Variants in HABP2 observed in about 807,000 individuals in gnomAD.
HABP2 encodes factor VII-activating protease.
In HABP2, 65 loss-of-function variants were observed where a neutral mutation model predicts 66.5. The observed-to-expected ratio is 0.98, with a 90% CI of 0.80 to 1.20. The LOEUF is 1.20. HABP2 is among the 50% of genes most tolerant of loss of function. The probability of loss-of-function intolerance (pLI) is 0.00; values close to 1 mark genes in which losing one functional copy is unlikely to be tolerated. For synonymous variants in HABP2, 263 were observed against 253.9 expected, an observed-to-expected ratio of 1.04 and a Z score of -0.34; for missense variants, 786 against 691.0, an observed-to-expected ratio of 1.14 and a Z score of -1.54.
At chr10:113,578,259 C>A in intron 6 of HABP2, 114 bp downstream of exon 6, 1 of 1,117,774 alleles carries the variant, frequency 8.9e-7, no homozygotes, top group Non-Finnish European at 1.3e-6. Context: ...CGACTATTGC[C>A]TCAGCCTTCT....
chr10:113,580,146 T>C lies in HABP2; in HGVS notation c.741-449T>C, dbSNP rs537242308. Among the ~76,000 whole-genome samples the C allele has an allele frequency of 9.4e-5, 13 of 138,348 alleles. 2 individuals carry two copies. In the South Asian group the frequency reaches 3.7e-3, roughly 39 times the overall value. 90.8% of individuals were successfully genotyped at this position (138,348 alleles called of 152,430 possible). A position where few individuals can be genotyped will look rare whatever the true frequency, so the allele number is the denominator to read the frequency against. On this transcript the variant is annotated intron_variant, in intron 7 of 12. Coordinates refer to ENST00000351270, the MANE Select transcript of HABP2 (RefSeq NM_004132.5). Reference sequence around the variant, plus strand: ...TTGCACTCACCTTGAGCTGTTCCCTTTGTGGAGCTGTCTTCGGGGGCGGGG... The same window carrying C: ...TTGCACTCACCTTGAGCTGTTCCCTCTGTGGAGCTGTCTTCGGGGGCGGGG...
intron 3 of HABP2, 78 bp from the exon 4 acceptor site, chr10:113,575,819 A>G: frequency 1.3e-6 from 1 of 791,498 alleles, no homozygotes; most frequent in Non-Finnish European, 2.2e-6. Flanking sequence ...GGAGACTGAA[A>G]TTTGATGAAA....
intron 2 of HABP2, among the ~76,000 whole-genome samples, chr10:113,571,261 C>G (rs1307193292): frequency 6.6e-6 from 1 of 152,186 alleles, no homozygotes; most frequent in African/African-American, 2.4e-5. Flanking sequence ...GGCAGATTGG[C>G]TGGCCTCTTA....
intron 2 of HABP2, among the ~76,000 whole-genome samples, chr10:113,567,755 A>C (rs1400289919): frequency 6.6e-6 from 1 of 152,200 alleles, no homozygotes; most frequent in East Asian, 1.9e-4. Flanking sequence ...ATCCCAAGGG[A>C]AATACTGCCT....
Position 113,589,065 on chromosome 10 carries a change from T to C in HABP2, c.*696T>C, listed in dbSNP as rs767386985. On this transcript the variant is annotated 3_prime_UTR_variant, in exon 13 of 13. Transcript: ENST00000351270. ...CACTCTGATGATCTCCAGCCTCCAC[T>C]GCTTCTGCCCCCCGCTGCTGAAATC... 3.1e-6 allele frequency: 5 copies of C among 1,613,794 alleles called. No individual in the cohort carries two copies. The highest frequency in any genetic ancestry group is 1.7e-5 in the Admixed American group (1 of 59,990).
intron 1 of HABP2, among the ~76,000 whole-genome samples, chr10:113,566,249 G>A (rs11575662): frequency 0.074 from 11,219 of 152,284 alleles, 453 homozygotes; most frequent in African/African-American, 0.11. Context: ...GATAGTAAAT[G>A]TTTGGGGTTA....
rs779467401 is a variant in HABP2 at position 113,585,931 on chromosome 10, C to A, written c.1511C>A (p.Thr504Asn). ...AGNLQKPGQD[T>N]CQGDSGGPLT... ...AATCTTCAGAAACCTGGGCAAGACACCTGCCAGGTCAGAGACTCCAAGTGG... is the reference window on the plus strand; with the variant it reads ...AATCTTCAGAAACCTGGGCAAGACAACTGCCAGGTCAGAGACTCCAAGTGG... The change falls in exon 12 of 13, where the codon ACC becomes AAC. Residue 504 changes from threonine to asparagine, a missense_variant. Coordinates refer to ENST00000351270, the MANE Select transcript of HABP2 (RefSeq NM_004132.5). 11 of 1,613,590 alleles carry A rather than the reference C, an allele frequency of 6.8e-6. No homozygotes were observed. The African/African-American group carries it at 1.3e-4, about 20-fold the overall frequency.
upstream of HABP2, among the ~76,000 whole-genome samples, chr10:113,552,278 TCAGTTGTTTA>T: frequency 6.6e-6 from 1 of 152,184 alleles, no homozygotes; most frequent in Non-Finnish European, 1.5e-5. Context: ...CTGTGGGCAG[TCAGTTGTTTA>T]CAGGAGATTA....
rs775871794 is a variant in HABP2 at position 113,578,086 on chromosome 10, G to A, written c.509G>A (p.Arg170Gln). 1.6e-5 allele frequency: 26 copies of A among 1,614,000 alleles called. No individual in the cohort carries two copies. Among genetic ancestry groups the A allele is most frequent in the Middle Eastern group, 1.6e-4 (1 of 6,082 alleles). The change falls in exon 6 of 13, where the codon CGG (arginine) becomes CAG (glutamine). Residue 170 changes from arginine to glutamine, a missense_variant. Coordinates refer to ENST00000351270, the MANE Select transcript of HABP2 (RefSeq NM_004132.5). The part of the protein sequence containing the change: ...QNGATCSRHK[R>Q]RSKFTCACPD... ...GGGGCTACCTGCTCCCGGCATAAGC[G>A]GAGATCCAAGTTCACCTGTGCCTGT...
chr10:113,574,944 T>C (rs545439716), intron 3 of HABP2, among the ~76,000 whole-genome samples: 1 of 152,286 alleles, frequency 6.6e-6, no homozygotes, highest in East Asian at 1.9e-4. Flanking sequence ...TGTGTATGTG[T>C]GCATATGTGT....
Position 113,572,493 on chromosome 10 carries a change from A to G in HABP2, c.107-1796A>G, listed in dbSNP as rs77087363. Among the ~76,000 whole-genome samples the G allele has an allele frequency of 2.6e-5, 4 of 152,368 alleles. No homozygotes were observed. In the East Asian group the frequency reaches 7.7e-4, roughly 29 times the overall value. On this transcript the variant is annotated intron_variant, in intron 2 of 12. Transcript: ENST00000351270. Reference sequence around the variant, plus strand: ...TTATCTATAAACATCTGTTGGAAAAACAAAAATAAATTCTTCAAAGAACAA... The same window carrying G: ...TTATCTATAAACATCTGTTGGAAAAGCAAAAATAAATTCTTCAAAGAACAA...
chr10:113,553,047 ATT>A (rs768924245), upstream of HABP2: 65 of 1,055,860 alleles, frequency 6.2e-5, no homozygotes, highest in African/African-American at 9.5e-4. Flanking sequence ...GGAGACTGAC[ATT>A]TTTCCCCCCT....
intron 2 of HABP2, among the ~76,000 whole-genome samples, chr10:113,572,501 A>T (rs890376691): frequency 1.3e-4 from 20 of 152,258 alleles, no homozygotes; most frequent in Non-Finnish European, 2.9e-5. Flanking sequence ...AAACAAAAAT[A>T]AATTCTTCAA....
At chr10:113,564,243 C>G (rs1266762580) in intron 1 of HABP2, among the ~76,000 whole-genome samples, 1 of 152,084 alleles carries the variant, frequency 6.6e-6, no homozygotes, top group Non-Finnish European at 1.5e-5. Context: ...AAAACACACC[C>G]CCATGATTCA....
intron 2 of HABP2, among the ~76,000 whole-genome samples, chr10:113,571,906 A>G (rs7096084): frequency 0.068 from 10,314 of 152,320 alleles, 451 homozygotes; most frequent in East Asian, 0.22. Flanking sequence ...GACAAGTTAC[A>G]TATGCAGACA....
chr10:113,566,506 G>A (rs1348040751), intron 1 of HABP2, among the ~76,000 whole-genome samples: 3 of 152,218 alleles, frequency 2.0e-5, no homozygotes, highest in Admixed American at 6.5e-5. Flanking sequence ...TTTGAGGAAT[G>A]CCATGTGCCA....
rs1480576275 is a variant in HABP2, at chr10:113,584,234, C to G, written c.1324C>G (p.Pro442Ala). Residue 442 changes from proline (P) to alanine (A), a missense_variant, in exon 11 of 13, where the codon CCC becomes GCC. Coordinates refer to ENST00000351270, the MANE Select transcript of HABP2 (RefSeq NM_004132.5). ...KTVCLPDGSF[P>A]SGSECHISGW... ...TGTGTGCTTGCCTGATGGGTCCTTT[C>G]CCTCTGGGAGTGAGTGCCACATCTC... 1 of 1,613,796 alleles carries G rather than the reference C, an allele frequency of 6.2e-7. No individual in the cohort carries two copies. The highest frequency in any genetic ancestry group is 1.1e-5 in the South Asian group (1 of 91,068).
chr10:113,567,574 C>T lies in HABP2; in HGVS notation c.106+49C>T, dbSNP rs377535408. On this transcript the variant is annotated intron_variant, in intron 2 of 12. Transcript: ENST00000351270. Reference sequence around the variant, plus strand: ...GCTTCCCACCAATCCCAGGCTGGTTCTGGGCTGGTGAAAAGGAGGCCTAAG... The same window carrying T: ...GCTTCCCACCAATCCCAGGCTGGTTTTGGGCTGGTGAAAAGGAGGCCTAAG... The T allele has an allele frequency of 1.1e-5, 16 of 1,429,142 alleles. No homozygotes were observed. In the African/African-American group the frequency reaches 2.2e-4, roughly 20 times the overall value. 88.5% of individuals were successfully genotyped at this position (1,429,142 alleles called of 1,614,324 possible).
chr10:113,572,923 GC>G (rs1339076432), intron 2 of HABP2, among the ~76,000 whole-genome samples: 1 of 152,190 alleles, frequency 6.6e-6, no homozygotes, highest in African/African-American at 2.4e-5. Context: ...CAGCCATTGT[GC>G]AAAAGTCGAT....
Sources: allele counts gnomAD v4.1 joint callset (sites outside exome capture counted in the v4.1 genomes callset), GRCh38; gene constraint gnomAD v4.1.1; transcripts MANE v1.5; gene names NCBI Gene and HGNC (gene_info 2026-07-23, HGNC 2026-07-21).